TPTE2: variants seen among roughly 807,000 people sequenced by gnomAD.
The protein encoded by TPTE2 is phosphatidylinositol 3,4,5-trisphosphate 3-phosphatase TPTE2.
TPTE2 carries 53 observed loss-of-function variants against 78.6 expected under a neutral mutation model. The ratio of observed to expected loss-of-function variants is 0.67; its 90% confidence interval spans 0.54 to 0.85. TPTE2 has a LOEUF of 0.85. Among genes scored for constraint, TPTE2 ranks in the 40% least tolerant of loss-of-function variants. The probability of loss-of-function intolerance (pLI) is 0.00; values close to 1 mark genes in which losing one functional copy is unlikely to be tolerated. For synonymous variants in TPTE2, 175 were observed against 206.2 expected (o/e 0.85, Z 1.30); for missense variants, 461 against 623.0 (o/e 0.74, Z 2.77).
At chr13:19,468,387 TG>T (rs1333429930) in intron 6 of TPTE2, among the ~76,000 whole-genome samples, 1 of 152,116 alleles carries the variant, frequency 6.6e-6, no homozygotes, top group Non-Finnish European at 1.5e-5. Flanking sequence ...CTTGTGTATA[TG>T]TACTATATTT....
At chr13:19,494,949 A>C (rs1279849205) in intron 1 of TPTE2, among the ~76,000 whole-genome samples, 1 of 152,210 alleles carries the variant, frequency 6.6e-6, no homozygotes, top group Non-Finnish European at 1.5e-5. Context: ...TTTTTATTAG[A>C]AATGAGGTTT....
At position 19,464,433 on chromosome 13, in the gene TPTE2, A is replaced by G. The variant is rs182752354; in HGVS notation, c.741+23T>C. 2.4e-4 allele frequency: 379 copies of G among 1,594,720 alleles called. 5 individuals are homozygous for G. The Middle Eastern group carries it at 3.3e-3, about 14-fold the overall frequency. Reference sequence around the variant, plus strand: ...AGTCTACATTCACTGAGAAATGAGTATTTGTCAGATAAAGACCCTTACCTC... The same window carrying G: ...AGTCTACATTCACTGAGAAATGAGTGTTTGTCAGATAAAGACCCTTACCTC... On this transcript the variant is annotated intron_variant, in intron 10 of 19. Transcript: ENST00000400230.
At chr13:19,465,139 T>A in intron 9 of TPTE2, 116 bp downstream of exon 12, 1 of 1,326,420 alleles carries the variant, frequency 7.5e-7, no homozygotes, top group South Asian at 1.2e-5. Flanking sequence ...CACAGTGGCA[T>A]ATATTCTCAA....
Position 19,424,938 on chromosome 13 carries a change from T to C in TPTE2, c.1466+9A>G, listed in dbSNP as rs1417839606. 2.8e-6 allele frequency: 4 copies of C among 1,453,692 alleles called. No individual in the cohort carries two copies. Among genetic ancestry groups the C allele is most frequent in the South Asian group, 2.5e-5 (2 of 80,738 alleles). 90.0% of individuals were successfully genotyped at this position (1,453,692 alleles called of 1,614,324 possible). A position where few individuals can be genotyped will look rare whatever the true frequency, so the allele number is the denominator to read the frequency against. On this transcript the variant is annotated intron_variant, in intron 19 of 19. Coordinates refer to ENST00000400230, the Ensembl canonical transcript of TPTE2. ...AGGCTGTTTCTATGGGTTTCTATTA[T>C]ATTCATACCTGTTATTTTGAATAAA...
the TPTE2 span, among the ~76,000 whole-genome samples, chr13:19,557,557 G>GA: frequency 6.6e-6 from 1 of 152,160 alleles, no homozygotes; most frequent in Non-Finnish European, 1.5e-5. Flanking sequence ...AGCTGCTTAG[G>GA]AATGTCCAGT....
chr13:19,426,051 C>T (rs61956963), intron 18 of TPTE2, among the ~76,000 whole-genome samples: 14,176 of 150,958 alleles, frequency 0.094, 749 homozygotes, highest in Middle Eastern at 0.18. Context: ...AGAGTGAGAC[C>T]CTGTCTCAAC....
the TPTE2 span, among the ~76,000 whole-genome samples, chr13:19,557,637 G>A: frequency 2.0e-5 from 3 of 152,106 alleles, no homozygotes; most frequent in African/African-American, 4.8e-5. Context: ...GTCTCTCGAC[G>A]CCTTCCCAGT....
intron 15 of TPTE2, 130 bp from the exon 19 acceptor site, chr13:19,432,708 A>G (rs1198559008): frequency 3.5e-5 from 17 of 481,706 alleles, no homozygotes; most frequent in South Asian, 2.2e-4. Context: ...ACTGGATGCC[A>G]TTATATAACT....
At chr13:19,495,184 A>C (rs977780774) in intron 1 of TPTE2, among the ~76,000 whole-genome samples, 6 of 149,858 alleles carry the variant, frequency 4.0e-5, no homozygotes, top group African/African-American at 1.5e-4. Flanking sequence ...TTTCCTGCCC[A>C]AAAGTTGCGG....
chr13:19,527,318 G>T (rs1185623415), intron 1 of TPTE2, among the ~76,000 whole-genome samples: 2 of 152,166 alleles, frequency 1.3e-5, no homozygotes. Flanking sequence ...GACTTGAAAT[G>T]TTCCCAACAT....
intron 1 of TPTE2, among the ~76,000 whole-genome samples, chr13:19,532,507 T>C (rs1279911265): frequency 6.6e-6 from 1 of 152,202 alleles, no homozygotes; most frequent in Non-Finnish European, 1.5e-5. Flanking sequence ...TAAATGAACC[T>C]GCCAGTGCCT....
chr13:19,481,714 A>C (rs901655510), intron 4 of TPTE2, among the ~76,000 whole-genome samples: 11 of 152,192 alleles, frequency 7.2e-5, no homozygotes, highest in African/African-American at 2.4e-4. Context: ...CACACAGTTT[A>C]ATTCAGTGGC....
At chr13:19,558,454 A>G in the TPTE2 span, among the ~76,000 whole-genome samples, 1 of 152,178 alleles carries the variant, frequency 6.6e-6, no homozygotes, top group African/African-American at 2.4e-5. Context: ...AGCAATTTCA[A>G]ACAGAAGTCT....
At chr13:19,551,485 C>T in the TPTE2 span, among the ~76,000 whole-genome samples, 1 of 151,940 alleles carries the variant, frequency 6.6e-6, no homozygotes, top group Non-Finnish European at 1.5e-5. Context: ...AGCTACTCGG[C>T]TTGGGATTGA....
intron 4 of TPTE2, among the ~76,000 whole-genome samples, chr13:19,477,481 G>C (rs915831730): frequency 6.6e-6 from 1 of 152,010 alleles, no homozygotes; most frequent in Non-Finnish European, 1.5e-5. Context: ...CACCACCTCC[G>C]CCCAGGCTTG....
In TPTE2 at chr13:19,426,537, A is replaced by C. The variant is rs2137458479; in HGVS notation, c.1303-20T>G. On this transcript the variant is annotated intron_variant, in intron 17 of 19. Transcript: ENST00000400230. ...CAATATCTATGAATGAACACATGGAATTGAGAACTACAAACCTAGATAACG... is the reference window on the plus strand; with the variant it reads ...CAATATCTATGAATGAACACATGGACTTGAGAACTACAAACCTAGATAACG... 7.1e-7 allele frequency: 1 copy of C among 1,399,244 alleles called. No individual in the cohort carries two copies. Among genetic ancestry groups the C allele is most frequent in the Non-Finnish European group, 1.0e-6 (1 of 986,044 alleles). The allele number at this position is 1,399,244 out of a possible 1,614,324, so 86.7% of individuals were successfully genotyped here. A position where few individuals can be genotyped will look rare whatever the true frequency, so the allele number is the denominator to read the frequency against.
chr13:19,449,900 T>C (rs1462044294), intron 13 of TPTE2, among the ~76,000 whole-genome samples, 176 bp downstream of exon 16: 1 of 152,152 alleles, frequency 6.6e-6, no homozygotes, highest in Non-Finnish European at 1.5e-5. Context: ...CCCTATCTCC[T>C]ACCCTTCCTC....
At chr13:19,474,057 C>T (rs549540238) in exon 6 of TPTE2, 1 of 1,580,552 alleles carries the variant, frequency 6.3e-7, no homozygotes, top group Non-Finnish European at 8.5e-7. Flanking sequence ...CCAGTAAGAC[C>T]AGGAAAACTC....
chr13:19,558,951 G>A, the TPTE2 span, among the ~76,000 whole-genome samples: 4 of 152,218 alleles, frequency 2.6e-5, no homozygotes, highest in East Asian at 7.7e-4. Context: ...ATTTATCTGT[G>A]CATTAATAAA....
Sources: allele counts gnomAD v4.1 joint callset (sites outside exome capture counted in the v4.1 genomes callset), GRCh38; gene constraint gnomAD v4.1.1; transcripts MANE v1.5; gene names NCBI Gene and HGNC (gene_info 2026-07-23, HGNC 2026-07-21).